The following PTPRT variants were observed in gnomAD, a reference collection of about 807,000 sequenced individuals.
PTPRT encodes receptor-type tyrosine-protein phosphatase T.
PTPRT carries 56 observed loss-of-function variants against 176.8 expected under a neutral mutation model. That is an observed-to-expected ratio of 0.32 (90% CI 0.26 to 0.40). The LOEUF (loss-of-function observed/expected upper bound fraction) is 0.40. PTPRT is among the 10% of genes least tolerant of loss of function. The pLI is 1.00. For synonymous variants in PTPRT, 783 were observed against 739.0 expected, an observed-to-expected ratio of 1.06 and a Z score of -0.96; for missense variants, 1,540 against 1,908.2, an observed-to-expected ratio of 0.81 and a Z score of 3.60.
rs781141603 is a variant in PTPRT at position 42,169,792 on chromosome 20, A to ACACACACACAC, written c.2492-8251_2492-8250insGTGTGTGTGTG. Among the ~76,000 whole-genome samples the ACACACACACAC allele has an allele frequency of 3.8e-4, 36 of 95,328 alleles. 1 individual carries two copies. The highest frequency in any genetic ancestry group is 7.8e-4 in the South Asian group (2 of 2,574). 62.5% of individuals were successfully genotyped at this position (95,328 alleles called of 152,430 possible). ...CACACACACACACACACACACACAC[A>ACACACACACAC]ACAGTCAGTATTGACTGTTGACCCA... On this transcript the variant is annotated intron_variant, in intron 16 of 30. Transcript: ENST00000373187.
intron 18 of PTPRT, among the ~76,000 whole-genome samples, chr20:42,135,576 C>T (rs576700420): frequency 6.6e-6 from 1 of 152,294 alleles, no homozygotes; most frequent in Non-Finnish European, 1.5e-5. Context: ...TGGTTATTCA[C>T]TTCAATCTGT....
chr20:43,107,767 C>T (rs1037590693), intron 1 of PTPRT, among the ~76,000 whole-genome samples: 8 of 152,144 alleles, frequency 5.3e-5, no homozygotes, highest in Non-Finnish European at 7.3e-5. Flanking sequence ...ATTTAAAACT[C>T]GTAACATAGC....
chr20:42,116,153 G>A (rs573929741), intron 21 of PTPRT: 298 of 713,394 alleles, frequency 4.2e-4, no homozygotes, highest in African/African-American at 3.9e-3. Context: ...AAAAGGTTTT[G>A]TGGTCAAATG....
intron 9 of PTPRT, among the ~76,000 whole-genome samples, chr20:42,380,641 C>T (rs1313753385): frequency 6.6e-6 from 1 of 152,202 alleles, no homozygotes; most frequent in Non-Finnish European, 1.5e-5. Flanking sequence ...CTGCTTGGTC[C>T]TACGGCTCTT....
At chr20:42,086,753 A>AATATATATATATATATAT (rs1555858329) in intron 27 of PTPRT, among the ~76,000 whole-genome samples, 1,086 of 95,000 alleles carry the variant, frequency 0.011, 47 homozygotes, top group Non-Finnish European at 0.017. Context: ...AAAAAAAAAA[A>AATATATATATATATATAT]ATATATATAT....
At chr20:42,347,553 C>T (rs918393995) in intron 11 of PTPRT, among the ~76,000 whole-genome samples, 1 of 152,168 alleles carries the variant, frequency 6.6e-6, no homozygotes, top group Non-Finnish European at 1.5e-5. Context: ...CCAGGCATGA[C>T]ACCATTGGTG....
rs2011194684 is a variant in PTPRT, at chr20:43,072,545, T to C, written c.88+117101A>G. Among the ~76,000 whole-genome samples the C allele has an allele frequency of 2.0e-5, 3 of 152,308 alleles. No individual in the cohort carries two copies. In the South Asian group the frequency reaches 6.2e-4, roughly 32 times the overall value. ...CAAAATAAAATCTGGCTGCAAACCTTAGCTCTGGAAAAAAGAAAAAAAAAC... is the reference window on the plus strand; with the variant it reads ...CAAAATAAAATCTGGCTGCAAACCTCAGCTCTGGAAAAAAGAAAAAAAAAC... On this transcript the variant is annotated intron_variant, in intron 1 of 30. Transcript: ENST00000373187.
chr20:42,329,537 C>T (rs922096534), intron 11 of PTPRT, among the ~76,000 whole-genome samples: 14 of 151,020 alleles, frequency 9.3e-5, no homozygotes, highest in African/African-American at 3.4e-4. Context: ...GCAACATCAC[C>T]GTTCAGTAAG....
intron 1 of PTPRT, among the ~76,000 whole-genome samples, chr20:42,988,472 G>A (rs1239029916): frequency 9.2e-5 from 14 of 152,096 alleles, no homozygotes; most frequent in Non-Finnish European, 2.9e-5. Flanking sequence ...GATGTACCAG[G>A]CTTCCCTCCC....
intron 2 of PTPRT, among the ~76,000 whole-genome samples, chr20:42,824,713 T>C (rs900267541): frequency 2.0e-5 from 3 of 152,068 alleles, no homozygotes; most frequent in Non-Finnish European, 4.4e-5. Flanking sequence ...CAAGAGAATA[T>C]TTATCTCATT....
At chr20:42,196,025 A>G (rs927212748) in intron 16 of PTPRT, among the ~76,000 whole-genome samples, 6 of 152,206 alleles carry the variant, frequency 3.9e-5, no homozygotes, top group African/African-American at 1.4e-4. Context: ...AATCAGTATT[A>G]CCCAGGTTTG....
At chr20:43,120,304 C>G (rs1050227004) in intron 1 of PTPRT, among the ~76,000 whole-genome samples, 1 of 151,172 alleles carries the variant, frequency 6.6e-6, no homozygotes, top group Non-Finnish European at 1.5e-5. Flanking sequence ...TGGAGTCTCA[C>G]TCTGTTGCCC....
intron 6 of PTPRT, among the ~76,000 whole-genome samples, chr20:42,730,485 C>T (rs2076444017): frequency 6.6e-6 from 1 of 152,282 alleles, no homozygotes; most frequent in African/African-American, 2.4e-5. Context: ...TTCTCATTTT[C>T]ACCCATAACA....
intron 7 of PTPRT, among the ~76,000 whole-genome samples, chr20:42,634,067 A>AT (rs1335710491): frequency 0.07 from 2,789 of 39,820 alleles, 448 homozygotes; most frequent in African/African-American, 0.32. Flanking sequence ...AATATATAAT[A>AT]TATATATAAT....
intron 7 of PTPRT, among the ~76,000 whole-genome samples, chr20:42,568,814 C>T (rs146877705): frequency 0.012 from 1,850 of 151,776 alleles, 20 homozygotes; most frequent in East Asian, 0.036. Context: ...CTTTGAGAGG[C>T]TGAGGTGGGT....
intron 25 of PTPRT, among the ~76,000 whole-genome samples, chr20:42,103,761 T>C (rs752716700): frequency 1.3e-5 from 2 of 152,228 alleles, no homozygotes; most frequent in Non-Finnish European, 2.9e-5. Context: ...TGAAGGAGCA[T>C]GAAATTCACA....
intron 15 of PTPRT, among the ~76,000 whole-genome samples, chr20:42,226,994 G>A (rs78751804): frequency 0.036 from 5,451 of 152,182 alleles, 119 homozygotes; most frequent in Middle Eastern, 0.12. Flanking sequence ...CAGTTGGTAT[G>A]CAGAGTGTTC....
chr20:42,101,427 G>A (rs1215153309), intron 26 of PTPRT, among the ~76,000 whole-genome samples: 1 of 152,190 alleles, frequency 6.6e-6, no homozygotes, highest in African/African-American at 2.4e-5. Flanking sequence ...GGGAAGTGAT[G>A]ATAATCAGAA....
chr20:42,750,631 C>T (rs1422523126), intron 6 of PTPRT, among the ~76,000 whole-genome samples: 1 of 152,174 alleles, frequency 6.6e-6, no homozygotes, highest in Non-Finnish European at 1.5e-5. Context: ...AATTCTCATA[C>T]TGATGAGTGT....
Sources: allele counts gnomAD v4.1 joint callset (sites outside exome capture counted in the v4.1 genomes callset), GRCh38; gene constraint gnomAD v4.1.1; transcripts MANE v1.5; gene names NCBI Gene and HGNC (gene_info 2026-07-23, HGNC 2026-07-21).